EMCN: variants seen among roughly 807,000 people sequenced by gnomAD.
EMCN encodes the protein MUC-14.
EMCN carries 37 observed loss-of-function variants against 38.4 expected under a neutral mutation model. That is an observed-to-expected ratio of 0.96 (90% CI 0.74 to 1.27). The LOEUF is 1.27. EMCN is among the 50% of genes most tolerant of loss of function. The pLI, the probability that EMCN is intolerant of heterozygous loss-of-function variation, is 0.00. For missense variants in EMCN, 318 were observed against 302.8 expected, an observed-to-expected ratio of 1.05 and a Z score of -0.37; for synonymous variants, 95 against 100.8, an observed-to-expected ratio of 0.94 and a Z score of 0.35.
chr4:100,408,214 T>A (rs1387927792), intron 11 of EMCN, among the ~76,000 whole-genome samples: 2 of 152,224 alleles, frequency 1.3e-5, no homozygotes, highest in Non-Finnish European at 2.9e-5. Context: ...TGAATTCTAT[T>A]TCTGTAATTT....
At chr4:100,470,620 A>G (rs1182049638) in intron 3 of EMCN, among the ~76,000 whole-genome samples, 3 of 152,008 alleles carry the variant, frequency 2.0e-5, no homozygotes, top group Non-Finnish European at 4.4e-5. Context: ...GAGTAAAGGC[A>G]TGCAATCAAC....
intron 3 of EMCN, among the ~76,000 whole-genome samples, chr4:100,473,365 G>GTTTTT: frequency 0.017 from 505 of 29,822 alleles, 114 homozygotes; most frequent in East Asian, 0.11. Flanking sequence ...CCCGTTTCGT[G>GTTTTT]TTTTTTTGTT....
At chr4:100,475,555 A>G (rs1382762681) in intron 2 of EMCN, among the ~76,000 whole-genome samples, 3 of 151,642 alleles carry the variant, frequency 2.0e-5, no homozygotes, top group Non-Finnish European at 4.4e-5. Flanking sequence ...ATGGCAGTGA[A>G]ACTTCTAAAT....
At chr4:100,462,464 G>A (rs554249235) in intron 4 of EMCN, among the ~76,000 whole-genome samples, 19 of 152,202 alleles carry the variant, frequency 1.2e-4, no homozygotes, top group African/African-American at 3.1e-4. Flanking sequence ...ATCACAGTCC[G>A]TGAATGACAT....
At chr4:100,478,264 G>T (rs1384617252) in intron 2 of EMCN, among the ~76,000 whole-genome samples, 2 of 151,954 alleles carry the variant, frequency 1.3e-5, no homozygotes, top group African/African-American at 4.8e-5. Context: ...CTTCCACCTC[G>T]CTCTCTCAGT....
intron 4 of EMCN, among the ~76,000 whole-genome samples, chr4:100,457,972 C>G (rs1160596544): frequency 6.6e-6 from 1 of 151,912 alleles, no homozygotes; most frequent in African/African-American, 2.4e-5. Flanking sequence ...CGAAAATTAC[C>G]CGGGCATGGT....
chr4:100,481,853 C>T (rs947453417), intron 1 of EMCN, among the ~76,000 whole-genome samples: 1 of 151,320 alleles, frequency 6.6e-6, no homozygotes, highest in Admixed American at 6.6e-5. Flanking sequence ...TTCCTTCCTT[C>T]CTTCCTTTCT....
At chr4:100,473,290 G>A (rs1728529772) in intron 3 of EMCN, among the ~76,000 whole-genome samples, 1 of 147,604 alleles carries the variant, frequency 6.8e-6, no homozygotes, top group African/African-American at 2.5e-5. Flanking sequence ...GCCTCCCAAA[G>A]TGTTGGGATT....
At chr4:100,399,063 C>T (rs1034228484) in intron 11 of EMCN, among the ~76,000 whole-genome samples, 2 of 152,140 alleles carry the variant, frequency 1.3e-5, no homozygotes, top group African/African-American at 4.8e-5. Context: ...GCTTTCTACT[C>T]ATCAGGGAGA....
At chr4:100,474,641 C>A (rs903375589) in intron 3 of EMCN, among the ~76,000 whole-genome samples, 3 of 152,056 alleles carry the variant, frequency 2.0e-5, no homozygotes, top group African/African-American at 7.2e-5. Flanking sequence ...TGTGGTATAT[C>A]CATACAATGC....
intron 11 of EMCN, among the ~76,000 whole-genome samples, chr4:100,406,036 A>AT (rs1248701392): frequency 6.6e-6 from 1 of 150,694 alleles, no homozygotes; most frequent in Non-Finnish European, 1.5e-5. Context: ...TAGTCTCTGG[A>AT]TTTTTTGTTT....
chr4:100,505,740 C>T (rs1729465084), intron 1 of EMCN, among the ~76,000 whole-genome samples: 1 of 152,160 alleles, frequency 6.6e-6, no homozygotes. Flanking sequence ...TCCTCCCTTA[C>T]TCTGCTCCCA....
intron 5 of EMCN, among the ~76,000 whole-genome samples, chr4:100,431,721 A>ATCTC (rs147413558): frequency 1.6e-3 from 235 of 150,318 alleles, no homozygotes; most frequent in Non-Finnish European, 2.8e-3. Flanking sequence ...CTTACAATAC[A>ATCTC]TCTCTCTCTC....
intron 5 of EMCN, among the ~76,000 whole-genome samples, chr4:100,436,557 C>A (rs1311312740): frequency 6.6e-6 from 1 of 152,122 alleles, no homozygotes; most frequent in Non-Finnish European, 1.5e-5. Flanking sequence ...AAGTTATATG[C>A]ATGCATATGT....
At chr4:100,421,447 G>T (rs946201110) in intron 7 of EMCN, 70 bp from the exon 8 acceptor site, 12 of 1,151,008 alleles carry the variant, frequency 1.0e-5, no homozygotes, top group Non-Finnish European at 1.6e-5. Context: ...TGGTAAGTGA[G>T]CCAAAGCATG....
In EMCN at chr4:100,453,066, A is replaced by G. The variant is rs374566136; in HGVS notation, c.377-5495T>C. Among the ~76,000 whole-genome samples the G allele has an allele frequency of 2.3e-4, 35 of 152,346 alleles. 2 individuals are homozygous for G. The South Asian group carries it at 7.0e-3, about 31-fold the overall frequency. ...AGACTTACATGTTAGACCTAAAACC[A>G]TAAAAACCCTAGAAGAAAACCTAGG... On this transcript the variant is annotated intron_variant, in intron 4 of 11. Coordinates refer to ENST00000296420, the MANE Select transcript of EMCN (RefSeq NM_016242.4).
intron 1 of EMCN, among the ~76,000 whole-genome samples, chr4:100,510,730 T>C (rs1260984331): frequency 2.0e-5 from 3 of 152,234 alleles, no homozygotes; most frequent in Non-Finnish European, 2.9e-5. Context: ...TCCAAGTTTA[T>C]ACAGCTAGTA....
intron 5 of EMCN, among the ~76,000 whole-genome samples, chr4:100,442,558 TC>T (rs34190725): frequency 0.41 from 61,683 of 151,856 alleles, 13,346 homozygotes; most frequent in East Asian, 0.77. Flanking sequence ...TAGGCTGTCT[TC>T]ACTATTTTTT....
intron 4 of EMCN, among the ~76,000 whole-genome samples, chr4:100,464,983 A>T (rs537969873): frequency 6.6e-6 from 1 of 152,234 alleles, no homozygotes; most frequent in Non-Finnish European, 1.5e-5. Context: ...AGAATTGACA[A>T]TTGAAGCCAT....
Sources: gnomAD v4.1 joint callset for allele counts (sites outside exome capture counted in the v4.1 genomes callset) on GRCh38, gnomAD v4.1.1 for gene constraint, MANE v1.5 for transcripts, NCBI Gene and HGNC (gene_info 2026-07-23, HGNC 2026-07-21) for gene names.